The following TNFSF4 variants were observed in gnomAD, a reference collection of about 807,000 sequenced individuals.
TNFSF4 encodes the protein tumor necrosis factor ligand superfamily member 4.
A neutral mutation model predicts 7.3 loss-of-function variants in TNFSF4; 4 were observed. That is an observed-to-expected ratio of 0.55 (90% confidence interval 0.27 to 1.25). TNFSF4 has a LOEUF of 1.25. TNFSF4 is among the 50% of genes most tolerant of loss of function. The pLI is 0.12. For synonymous variants in TNFSF4, 76 were observed against 83.7 expected (o/e 0.91, Z 0.50); for missense variants, 181 against 208.8 (o/e 0.87, Z 0.82).
the TNFSF4 span, among the ~76,000 whole-genome samples, chr1:173,372,445 T>C: frequency 6.6e-6 from 1 of 152,174 alleles, no homozygotes; most frequent in Non-Finnish European, 1.5e-5. Context: ...AACTTATATT[T>C]ATACATCACA....
the TNFSF4 span, among the ~76,000 whole-genome samples, chr1:173,339,965 C>T: frequency 0.084 from 12,824 of 152,140 alleles, 676 homozygotes; most frequent in East Asian, 0.27. Flanking sequence ...TGTACAGGTG[C>T]TTCTGGATGA....
the TNFSF4 span, among the ~76,000 whole-genome samples, chr1:173,325,134 T>G: frequency 7.9e-5 from 12 of 152,060 alleles, no homozygotes; most frequent in Admixed American, 2.0e-4. Context: ...CCTCAGCAAA[T>G]GTAAAAGAAC....
At chr1:173,420,221 A>G in the TNFSF4 span, among the ~76,000 whole-genome samples, 1 of 152,160 alleles carries the variant, frequency 6.6e-6, no homozygotes, top group Non-Finnish European at 1.5e-5. Flanking sequence ...AACAAAAAAA[A>G]AAGTAAAAAA....
the TNFSF4 span, among the ~76,000 whole-genome samples, chr1:173,310,398 A>T: frequency 6.6e-6 from 1 of 151,934 alleles, no homozygotes; most frequent in Non-Finnish European, 1.5e-5. Context: ...ATTTTTAAAT[A>T]TTTGACCCAG....
At chr1:173,387,534 G>T in the TNFSF4 span, among the ~76,000 whole-genome samples, 4 of 152,262 alleles carry the variant, frequency 2.6e-5, no homozygotes, top group Non-Finnish European at 5.9e-5. Flanking sequence ...ATAAAGCAAA[G>T]ATGCATTAAG....
the TNFSF4 span, among the ~76,000 whole-genome samples, chr1:173,413,065 G>C: frequency 2.6e-3 from 391 of 152,318 alleles, no homozygotes; most frequent in Middle Eastern, 6.8e-3. Flanking sequence ...AATGGACAGA[G>C]GAGGGAATCT....
At chr1:173,239,398 G>C in the TNFSF4 span, among the ~76,000 whole-genome samples, 3 of 152,152 alleles carry the variant, frequency 2.0e-5, no homozygotes, top group Non-Finnish European at 4.4e-5. Flanking sequence ...CCAGTTAAAC[G>C]CAGGGCATAG....
the TNFSF4 span, among the ~76,000 whole-genome samples, chr1:173,389,925 T>C: frequency 1.3e-5 from 2 of 152,204 alleles, no homozygotes; most frequent in Admixed American, 6.5e-5. Context: ...AATATATTTA[T>C]TCATTTTGAA....
At chr1:173,199,056 T>G (rs1468396058) in intron 1 of TNFSF4, among the ~76,000 whole-genome samples, 1 of 152,204 alleles carries the variant, frequency 6.6e-6, no homozygotes, top group African/African-American at 2.4e-5. Flanking sequence ...GTAGGTAGCT[T>G]TCTGTGAAAC....
chr1:173,275,125 TC>T, the TNFSF4 span, among the ~76,000 whole-genome samples: 201 of 152,196 alleles, frequency 1.3e-3, no homozygotes, highest in African/African-American at 4.7e-3. Flanking sequence ...CCATTTTTAC[TC>T]ATGGCAGAGC....
chr1:173,241,301 A>G, the TNFSF4 span, among the ~76,000 whole-genome samples: 1 of 152,268 alleles, frequency 6.6e-6, no homozygotes, highest in African/African-American at 2.4e-5. Flanking sequence ...CCTCTGCCAC[A>G]TTTCAATAAT....
chr1:173,304,361 G>T, the TNFSF4 span, among the ~76,000 whole-genome samples: 1 of 151,892 alleles, frequency 6.6e-6, no homozygotes, highest in Non-Finnish European at 1.5e-5. Flanking sequence ...AAGGCAAGGG[G>T]ACTGGGTTGG....
At chr1:173,233,955 A>G in the TNFSF4 span, among the ~76,000 whole-genome samples, 1 of 152,196 alleles carries the variant, frequency 6.6e-6, no homozygotes, top group Non-Finnish European at 1.5e-5. Context: ...ATGGGATCTA[A>G]TTAAACTAAA....
the TNFSF4 span, among the ~76,000 whole-genome samples, chr1:173,291,446 A>G: frequency 6.6e-6 from 1 of 152,174 alleles, no homozygotes; most frequent in Non-Finnish European, 1.5e-5. Flanking sequence ...AATTTTTGAA[A>G]CTAATGAAAA....
chr1:173,277,334 A>G, the TNFSF4 span, among the ~76,000 whole-genome samples: 1 of 152,170 alleles, frequency 6.6e-6, no homozygotes, highest in East Asian at 1.9e-4. Flanking sequence ...TACAGCATTG[A>G]GGGAAAGTGC....
upstream of TNFSF4, among the ~76,000 whole-genome samples, chr1:173,208,380 G>A (rs1002764270): frequency 1.3e-5 from 2 of 152,182 alleles, no homozygotes; most frequent in Admixed American, 6.5e-5. Flanking sequence ...GTAAAGAAAG[G>A]AGGGAGAAAT....
the TNFSF4 span, among the ~76,000 whole-genome samples, chr1:173,265,047 CAAAA>C: frequency 6.6e-6 from 1 of 152,078 alleles, no homozygotes; most frequent in African/African-American, 2.4e-5. Context: ...ATAAAACAAA[CAAAA>C]AACCTTAAGA....
At chr1:173,191,751 G>A (rs551643134) in intron 1 of TNFSF4, among the ~76,000 whole-genome samples, 35 of 152,250 alleles carry the variant, frequency 2.3e-4, no homozygotes, top group East Asian at 9.6e-4. Flanking sequence ...GCATTTCTTC[G>A]CTTTAGCCTT....
At chr1:173,309,265 C>G in the TNFSF4 span, among the ~76,000 whole-genome samples, 1 of 151,772 alleles carries the variant, frequency 6.6e-6, no homozygotes, top group Non-Finnish European at 1.5e-5. Context: ...TGAACAGTAA[C>G]GGCGATGCAG....
Sources: allele counts gnomAD v4.1 joint callset (sites outside exome capture counted in the v4.1 genomes callset), GRCh38; gene constraint gnomAD v4.1.1; transcripts MANE v1.5; gene names NCBI Gene and HGNC (gene_info 2026-07-23, HGNC 2026-07-21).